Variants in CLSTN1 observed in about 807,000 individuals in gnomAD.
CLSTN1 encodes calsyntenin-1.
Under a neutral mutation model 108.3 loss-of-function variants are expected in CLSTN1, and 28 were observed. The observed-to-expected ratio is 0.26, with a 90% CI of 0.19 to 0.35. CLSTN1 has a LOEUF of 0.35. Among genes scored for constraint, CLSTN1 ranks in the 10% least tolerant of loss-of-function variants. The pLI is 1.00. For missense variants in CLSTN1, 1,157 were observed against 1,302.6 expected (o/e 0.89, Z 1.72); for synonymous variants, 524 against 534.9 (o/e 0.98, Z 0.28).
At chr1:9,737,694 C>T in intron 10 of CLSTN1, 140 bp from the exon 11 acceptor site, 6 of 706,894 alleles carry the variant, frequency 8.5e-6, no homozygotes, top group Non-Finnish European at 1.2e-5. Context: ...CTGGGATGTA[C>T]CCATCTGGAC....
chr1:9,801,096 A>G (rs1450858671), intron 1 of CLSTN1, among the ~76,000 whole-genome samples: 1 of 151,624 alleles, frequency 6.6e-6, no homozygotes, highest in Admixed American at 6.6e-5. Flanking sequence ...AAAATACAAA[A>G]TTAGCTGGGC....
chr1:9,775,464 C>T (rs746383177), intron 1 of CLSTN1, among the ~76,000 whole-genome samples: 1 of 151,714 alleles, frequency 6.6e-6, no homozygotes, highest in Non-Finnish European at 1.5e-5. Flanking sequence ...AGAAGATGAT[C>T]ATTTAGCCCC....
intron 2 of CLSTN1, among the ~76,000 whole-genome samples, chr1:9,769,590 G>A (rs1652564930): frequency 6.6e-6 from 1 of 152,190 alleles, no homozygotes; most frequent in Admixed American, 6.5e-5. Flanking sequence ...AATCTGTAGT[G>A]GTAGCCAGGG....
intron 1 of CLSTN1, among the ~76,000 whole-genome samples, chr1:9,793,671 C>A (rs542888949): frequency 6.6e-6 from 1 of 151,516 alleles, no homozygotes; most frequent in Non-Finnish European, 1.5e-5. Flanking sequence ...CTCTGTATGT[C>A]CCGCCTCGGG....
intron 2 of CLSTN1, among the ~76,000 whole-genome samples, chr1:9,763,503 C>G (rs1652183896): frequency 6.6e-6 from 1 of 152,192 alleles, no homozygotes; most frequent in African/African-American, 2.4e-5. Context: ...CACAGACAGT[C>G]TGCAGACCTG....
intron 1 of CLSTN1, among the ~76,000 whole-genome samples, chr1:9,785,251 G>A (rs889378679): frequency 2.6e-5 from 4 of 151,982 alleles, no homozygotes; most frequent in East Asian, 1.9e-4. Context: ...CAAGTGATCC[G>A]CCTGCCTCAG....
In CLSTN1 at chr1:9,770,863, G is replaced by C. The variant is rs56241315; in HGVS notation, c.214+2409C>G. On this transcript the variant is annotated intron_variant, in intron 2 of 18. Transcript: ENST00000377298. ...ACAAAAATTAGCAGGGCATGGTGGCGGGCACCTGTAATCCCAGCTAATGGG... is the reference window on the plus strand; with the variant it reads ...ACAAAAATTAGCAGGGCATGGTGGCCGGCACCTGTAATCCCAGCTAATGGG... Among the ~76,000 whole-genome samples, 1,115 of 151,864 alleles carry C rather than the reference G, an allele frequency of 7.3e-3. 7 individuals carry two copies. Among genetic ancestry groups the C allele is most frequent in the Middle Eastern group, 0.024 (7 of 294 alleles).
intron 2 of CLSTN1, among the ~76,000 whole-genome samples, chr1:9,757,774 T>TTAC (rs1651888149): frequency 6.6e-6 from 1 of 152,142 alleles, no homozygotes; most frequent in African/African-American, 2.4e-5. Flanking sequence ...TATAAACCCT[T>TTAC]TACTATGGAG....
rs774302451 is a variant in CLSTN1 at position 9,773,335 on chromosome 1, T to G, written c.151A>C (p.Asn51His). The change falls in exon 2 of 19, where the codon AAC (asparagine) becomes CAC (histidine). Residue 51 changes from asparagine (N) to histidine (H), a missense_variant. By Grantham distance (68) the Asn-to-His change is moderately conservative. Coordinates refer to ENST00000377298, the MANE Select transcript of CLSTN1 (RefSeq NM_001009566.3). ...TYHGIVTEND[N>H]TVLLDPPLIA... ...AGTGGGGGGTCGAGGAGCACGGTGT[T>G]GTCGTTCTCTGTGACTATGCCGTGG... is the stretch of plus-strand genomic sequence containing the variant. The G allele has an allele frequency of 1.9e-6, 3 of 1,614,174 alleles. No homozygotes were observed. The highest frequency in any genetic ancestry group is 2.5e-6 in the Non-Finnish European group (3 of 1,180,026).
chr1:9,811,421 G>C (rs1033812270), intron 1 of CLSTN1, among the ~76,000 whole-genome samples: 6 of 152,156 alleles, frequency 3.9e-5, no homozygotes, highest in African/African-American at 1.2e-4. Flanking sequence ...AAATGAAAAT[G>C]TTTTCTACAG....
chr1:9,790,929 C>G (rs1429034711), intron 1 of CLSTN1, among the ~76,000 whole-genome samples: 26 of 150,988 alleles, frequency 1.7e-4, no homozygotes, highest in Admixed American at 1.2e-3. Context: ...GTCAGGAGAT[C>G]GAGATCATCC....
At chr1:9,811,391 G>A (rs1386922044) in intron 1 of CLSTN1, among the ~76,000 whole-genome samples, 1 of 152,138 alleles carries the variant, frequency 6.6e-6, no homozygotes, top group African/African-American at 2.4e-5. Context: ...ACTTGGGCAT[G>A]GACTTTTTAA....
chr1:9,737,439 G>C (rs1446960104), intron 11 of CLSTN1, 59 bp downstream of exon 11: 22 of 1,485,074 alleles, frequency 1.5e-5, no homozygotes, highest in African/African-American at 2.8e-5. Context: ...CACGTGGAAT[G>C]AATCAGTCTC....
rs1651573808 is a variant in CLSTN1 at position 9,751,795 on chromosome 1, C to T, written c.441-114G>A. ...TGCCCTACTTTAAAATTTCCTGTTT[C>T]TGATACCTTGTTTCATGAAATTCAT... is the stretch of plus-strand genomic sequence containing the variant. On this transcript the variant is annotated intron_variant, in intron 4 of 18. Coordinates refer to ENST00000377298, the MANE Select transcript of CLSTN1 (RefSeq NM_001009566.3). 7 of 828,702 alleles carry T rather than the reference C, an allele frequency of 8.4e-6. No individual in the cohort carries two copies. The Admixed American group carries it at 1.5e-4, about 18-fold the overall frequency. The allele number at this position is 828,702 out of a possible 1,614,324, so 51.3% of individuals were successfully genotyped here. A position where few individuals can be genotyped will look rare whatever the true frequency, so the allele number is the denominator to read the frequency against.
chr1:9,781,343 A>G, intron 1 of CLSTN1: 1 of 517,768 alleles, frequency 1.9e-6, no homozygotes, highest in South Asian at 3.1e-5. Flanking sequence ...AGCAGTGTAG[A>G]AAAATTTTCC....
At position 9,730,496 on chromosome 1, in the gene CLSTN1, CG is replaced by C; in HGVS notation, c.*11del. 1.2e-6 allele frequency: 2 copies of C among 1,600,328 alleles called. No homozygotes were observed. On this transcript the variant is annotated 3_prime_UTR_variant, in exon 19 of 19. Coordinates refer to ENST00000377298, the MANE Select transcript of CLSTN1 (RefSeq NM_001009566.3). The surrounding 1 kb of genome is among the most constrained non-coding windows in gnomAD (Gnocchi z 5.6). ...CTTCGAAAGCAGAAACCGAGGTGGC[CG>C]GGGGCACGGGTCAGTAGCTGAGGGT...
At chr1:9,785,792 TTTC>T (rs995750764) in intron 1 of CLSTN1, among the ~76,000 whole-genome samples, 1 of 151,422 alleles carries the variant, frequency 6.6e-6, no homozygotes, top group East Asian at 1.9e-4. Context: ...TTGATGTGAA[TTTC>T]TTTTTTTTTT....
chr1:9,756,737 G>A (rs1230492342), intron 2 of CLSTN1, among the ~76,000 whole-genome samples: 1 of 152,144 alleles, frequency 6.6e-6, no homozygotes. Flanking sequence ...ATTTAGGGAT[G>A]AAATACTCCT....
At chr1:9,767,616 G>A (rs1652408032) in intron 2 of CLSTN1, among the ~76,000 whole-genome samples, 1 of 150,514 alleles carries the variant, frequency 6.6e-6, no homozygotes, top group Admixed American at 6.6e-5. Flanking sequence ...AGCAACCTCT[G>A]CCACACTGCA....
Sources: gnomAD v4.1 joint callset for allele counts (sites outside exome capture counted in the v4.1 genomes callset) on GRCh38, gnomAD v4.1.1 for gene constraint, Gnocchi (gnomAD v3.1) non-coding constraint, MANE v1.5 for transcripts, NCBI Gene and HGNC (gene_info 2026-07-23, HGNC 2026-07-21) for gene names.